The following IFI16 variants were observed in gnomAD, a reference collection of about 807,000 sequenced individuals.
IFI16 encodes interferon gamma inducible protein 16, also known as gamma-interferon-inducible protein 16.
IFI16 carries 49 observed loss-of-function variants against 68.4 expected under a neutral mutation model. The ratio of observed to expected loss-of-function variants is 0.72; its 90% CI spans 0.57 to 0.91. IFI16 has a LOEUF of 0.91. IFI16 is among the 40% of genes least tolerant of loss of function. The pLI is 0.00. For synonymous variants in IFI16, 307 were observed against 315.0 expected (o/e 0.97, Z 0.27); for missense variants, 878 against 942.9 (o/e 0.93, Z 0.90).
At chr1:159,016,163 A>C (rs1652911186) in intron 3 of IFI16, among the ~76,000 whole-genome samples, 176 bp downstream of exon 3, 1 of 152,244 alleles carries the variant, frequency 6.6e-6, no homozygotes, top group African/African-American at 2.4e-5. Flanking sequence ...TGCACCAAAC[A>C]CATGAGTAAA....
chr1:159,044,438 G>GA (rs1654857576), intron 7 of IFI16, among the ~76,000 whole-genome samples: 1 of 152,158 alleles, frequency 6.6e-6, no homozygotes, highest in South Asian at 2.1e-4. Flanking sequence ...GTGGTGGTCA[G>GA]AGACTGTTCT....
chr1:159,033,735 AATTT>A (rs1219526195), intron 7 of IFI16, among the ~76,000 whole-genome samples: 2 of 152,230 alleles, frequency 1.3e-5, no homozygotes, highest in African/African-American at 2.4e-5. Context: ...CCATGTCAGT[AATTT>A]ATTTATTAGT....
Position 159,020,282 on chromosome 1 carries a change from C to T in IFI16, c.973-59C>T. ...TAACTCTCTTAGAAGGGACTTCAGCCTATATGTGGTTGTTATTAATTACAT... is the reference window on the plus strand; with the variant it reads ...TAACTCTCTTAGAAGGGACTTCAGCTTATATGTGGTTGTTATTAATTACAT... On this transcript the variant is annotated intron_variant, in intron 5 of 11. Transcript: ENST00000295809. The T allele has an allele frequency of 3.2e-6, 4 of 1,265,718 alleles. No individual in the cohort carries two copies. The South Asian group carries it at 5.0e-5, about 16-fold the overall frequency. The allele number at this position is 1,265,718 out of a possible 1,614,324, so 78.4% of individuals were successfully genotyped here.
chr1:159,029,542 A>C (rs1206343091), intron 6 of IFI16, among the ~76,000 whole-genome samples: 2 of 152,152 alleles, frequency 1.3e-5, no homozygotes, highest in Non-Finnish European at 1.5e-5. Flanking sequence ...TCTCTAGGAA[A>C]GCCAGGGAAG....
chr1:159,040,442 T>G (rs3768515), intron 7 of IFI16, among the ~76,000 whole-genome samples: 25,159 of 152,232 alleles, frequency 0.17, 2,407 homozygotes, highest in East Asian at 0.3. Context: ...AATCTTTTCT[T>G]TCTTAAATTG....
rs182224389 is a variant in IFI16 at position 159,052,617 on chromosome 1, T to C, written c.2085+519T>C. The C allele has an allele frequency of 1.7e-3, 264 of 153,182 alleles. 1 individual carries two copies. The highest frequency in any genetic ancestry group is 6.8e-3 in the Middle Eastern group (2 of 294). 9.5% of individuals were successfully genotyped at this position (153,182 alleles called of 1,614,324 possible). A position where few individuals can be genotyped will look rare whatever the true frequency, so the allele number is the denominator to read the frequency against. Reference sequence around the variant, plus strand: ...CTGATCATTTGGACTCCAAAGTTTCTTGCCTCTTCTCATTCATTAATTCAT... The same window carrying C: ...CTGATCATTTGGACTCCAAAGTTTCCTGCCTCTTCTCATTCATTAATTCAT... On this transcript the variant is annotated intron_variant, in intron 10 of 11. Transcript: ENST00000295809.
At chr1:159,012,187 C>A (rs926956108) in intron 1 of IFI16, among the ~76,000 whole-genome samples, 3 of 152,040 alleles carry the variant, frequency 2.0e-5, no homozygotes, top group Admixed American at 2.0e-4. Flanking sequence ...AAGACTGAGG[C>A]CCTGAGTATC....
intron 3 of IFI16, 63 bp downstream of exon 3, chr1:159,016,050 C>T (rs1254297830): frequency 1.0e-6 from 1 of 993,144 alleles, no homozygotes; most frequent in African/African-American, 1.6e-5. Flanking sequence ...ACGGCTCTTC[C>T]ACTCAATCTC....
intron 7 of IFI16, among the ~76,000 whole-genome samples, chr1:159,041,521 T>A (rs982606694): frequency 6.6e-5 from 10 of 152,214 alleles, no homozygotes; most frequent in Non-Finnish European, 1.2e-4. Flanking sequence ...ACTCATTTGA[T>A]GAGACAGGTT....
chr1:159,042,095 G>A (rs192907674), intron 7 of IFI16, among the ~76,000 whole-genome samples: 41 of 152,178 alleles, frequency 2.7e-4, no homozygotes, highest in African/African-American at 4.1e-4. Context: ...TTCTACCTCC[G>A]GTACAGCCAT....
At chr1:159,018,138 G>T in intron 4 of IFI16, 91 bp from the exon 5 acceptor site, 3 of 1,048,984 alleles carry the variant, frequency 2.9e-6, no homozygotes, top group Non-Finnish European at 4.2e-6. Context: ...TGCAAGTTTT[G>T]GGGCCCTGTG....
chr1:159,001,149 C>A (rs1447934445), upstream of IFI16, among the ~76,000 whole-genome samples: 1 of 152,130 alleles, frequency 6.6e-6, no homozygotes, highest in African/African-American at 2.4e-5. Flanking sequence ...TGTAGAACTA[C>A]ATATTGTCCC....
intron 8 of IFI16, among the ~76,000 whole-genome samples, chr1:159,046,519 A>AT (rs1343929417): frequency 6.6e-6 from 1 of 151,234 alleles, no homozygotes; most frequent in African/African-American, 2.4e-5. Flanking sequence ...AATAATTGCT[A>AT]TTTTTTCCTG....
In IFI16 at chr1:159,014,151, C is replaced by T. The variant is rs1487696150; in HGVS notation, c.-20-510C>T. On this transcript the variant is annotated intron_variant, in intron 1 of 11. Coordinates refer to ENST00000295809, the MANE Select transcript of IFI16 (RefSeq NM_001376587.1). ...AAGAAGGGAGGATGCTAATGAAAGCCAACTAGGGAAGAGTCAAGGAGAATA... is the reference window on the plus strand; with the variant it reads ...AAGAAGGGAGGATGCTAATGAAAGCTAACTAGGGAAGAGTCAAGGAGAATA... Among the ~76,000 whole-genome samples, 3 of 152,104 alleles carry T rather than the reference C, an allele frequency of 2.0e-5. No individual in the cohort carries two copies. The East Asian group carries it at 5.8e-4, about 29-fold the overall frequency.
chr1:159,019,266 A>C lies in IFI16; in HGVS notation c.972+615A>C, dbSNP rs1004694778. ...TGTCATTTATATATAAATAACAAAA[A>C]AAAAAAATAGAGTACAGAGTGCTTT... is the stretch of plus-strand genomic sequence containing the variant. On this transcript the variant is annotated intron_variant, in intron 5 of 11. Transcript: ENST00000295809. Among the ~76,000 whole-genome samples the C allele has an allele frequency of 1.1e-3, 166 of 152,074 alleles. 1 individual carries two copies. Among genetic ancestry groups the C allele is most frequent in the African/African-American group, 3.5e-3 (146 of 41,420 alleles).
intron 3 of IFI16, among the ~76,000 whole-genome samples, chr1:159,016,308 A>C (rs558214147): frequency 6.6e-6 from 1 of 152,216 alleles, no homozygotes; most frequent in Non-Finnish European, 1.5e-5. Context: ...AGCACATCCC[A>C]TAACAGAAAT....
chr1:159,019,071 G>T (rs1032397272), intron 5 of IFI16, among the ~76,000 whole-genome samples: 4 of 151,958 alleles, frequency 2.6e-5, no homozygotes, highest in Non-Finnish European at 5.9e-5. Context: ...CTTGAGTTCT[G>T]GTTGTGACAG....
chr1:159,014,043 G>T (rs1032454692), intron 1 of IFI16, among the ~76,000 whole-genome samples: 12 of 152,190 alleles, frequency 7.9e-5, no homozygotes, highest in Non-Finnish European at 1.5e-4. Flanking sequence ...TAAATACTGT[G>T]ATGCTGCACT....
intron 4 of IFI16, 68 bp from the exon 5 acceptor site, chr1:159,018,161 C>G: frequency 1.5e-6 from 2 of 1,344,276 alleles, no homozygotes; most frequent in Non-Finnish European, 2.1e-6. Flanking sequence ...ATACTGAGGT[C>G]ACTGAATAGC....
Sources: allele counts gnomAD v4.1 joint callset (sites outside exome capture counted in the v4.1 genomes callset), GRCh38; gene constraint gnomAD v4.1.1; transcripts MANE v1.5; gene names NCBI Gene and HGNC (gene_info 2026-07-23, HGNC 2026-07-21).